Variants in NTM observed in about 807,000 individuals in gnomAD.
NTM encodes neurotrimin, also known as IgLON family member 2.
A neutral mutation model predicts 42.1 loss-of-function variants in NTM; 13 were observed. That is an observed-to-expected ratio of 0.31 (90% CI 0.20 to 0.49). The LOEUF is 0.49. NTM is among the 20% of genes least tolerant of loss of function. NTM has a pLI of 0.99. For synonymous variants in NTM, 187 were observed against 179.2 expected, an observed-to-expected ratio of 1.04 and a Z score of -0.35; for missense variants, 373 against 452.8, an observed-to-expected ratio of 0.82 and a Z score of 1.60.
At chr11:131,570,431 T>C (rs536152627) in intron 1 of NTM, among the ~76,000 whole-genome samples, 1 of 152,192 alleles carries the variant, frequency 6.6e-6, no homozygotes, top group South Asian at 2.1e-4. Context: ...TAAATGAACC[T>C]TGAAAGAGAT....
At position 131,564,626 on chromosome 11, in the gene NTM, C is replaced by T. The variant is rs921159508; in HGVS notation, c.82+193738C>T. ...ATACTCATGTTATCATCACTACCAT[C>T]AAGGTAACAAATATATCCATCACCT... is the stretch of plus-strand genomic sequence containing the variant. On this transcript the variant is annotated intron_variant, in intron 1 of 8. Transcript: ENST00000683400. 2.0e-5 allele frequency among the ~76,000 whole-genome samples: 3 copies of T among 152,262 alleles called. No homozygotes were observed. The East Asian group carries it at 5.8e-4, about 29-fold the overall frequency.
Position 132,037,325 on chromosome 11 carries a change from A to T in NTM, c.168-108957A>T, listed in dbSNP as rs142460809. Among the ~76,000 whole-genome samples the T allele has an allele frequency of 3.2e-3, 493 of 152,170 alleles. 3 individuals carry two copies. Among genetic ancestry groups the T allele is most frequent in the African/African-American group, 0.012 (478 of 41,512 alleles). On this transcript the variant is annotated intron_variant, in intron 2 of 8. Transcript: ENST00000683400. ...GCCGGCTCCCTTCACCTCAGCCATG[A>T]GGGGAAGCAGCCTGAGGCCCTCACT... is the stretch of plus-strand genomic sequence containing the variant.
chr11:132,171,716 A>G (rs1248354181), intron 3 of NTM, among the ~76,000 whole-genome samples: 1 of 152,182 alleles, frequency 6.6e-6, no homozygotes, highest in Non-Finnish European at 1.5e-5. Flanking sequence ...AATTTTTGTA[A>G]TGATTAAAAA....
At chr11:131,997,677 T>C (rs2068333032) in intron 2 of NTM, among the ~76,000 whole-genome samples, 1 of 152,206 alleles carries the variant, frequency 6.6e-6, no homozygotes, top group African/African-American at 2.4e-5. Context: ...GCTCTCTTTC[T>C]TTTTTCTTCC....
intron 1 of NTM, among the ~76,000 whole-genome samples, chr11:131,755,352 T>G (rs905507219): frequency 6.6e-6 from 1 of 151,844 alleles, no homozygotes; most frequent in Admixed American, 6.6e-5. Context: ...GGCAAGGGAG[T>G]GGAAGGGAGA....
At chr11:131,660,241 A>C (rs1483860569) in intron 1 of NTM, 1 of 341,286 alleles carries the variant, frequency 2.9e-6, no homozygotes, top group African/African-American at 2.1e-5. Flanking sequence ...ACAATGACCC[A>C]TTCAGGTGGT....
At chr11:131,824,952 G>T (rs944140115) in intron 1 of NTM, among the ~76,000 whole-genome samples, 7 of 152,192 alleles carry the variant, frequency 4.6e-5, no homozygotes, top group African/African-American at 1.4e-4. Context: ...ACGTTAGTTT[G>T]CTAGGGCTGC....
chr11:131,490,116 G>A (rs373855369), intron 1 of NTM, among the ~76,000 whole-genome samples: 1 of 152,248 alleles, frequency 6.6e-6, no homozygotes, highest in East Asian at 1.9e-4. Context: ...CTAATAGTGA[G>A]GATTCACTCA....
intron 1 of NTM, chr11:131,537,187 A>T (rs1011473104): frequency 6.6e-6 from 1 of 150,510 alleles, no homozygotes; most frequent in African/African-American, 2.4e-5. Flanking sequence ...GTGAAGTTTA[A>T]AAAAAAAAAA....
At chr11:131,632,689 T>G (rs1321420910) in intron 1 of NTM, among the ~76,000 whole-genome samples, 1 of 139,482 alleles carries the variant, frequency 7.2e-6, no homozygotes, top group African/African-American at 2.8e-5. Flanking sequence ...TTTTTTTTTT[T>G]TTTGAGACGG....
At chr11:132,046,796 A>G (rs1182727319) in intron 2 of NTM, among the ~76,000 whole-genome samples, 5 of 152,194 alleles carry the variant, frequency 3.3e-5, no homozygotes, top group Admixed American at 3.3e-4. Flanking sequence ...CACTGGCTTT[A>G]TCTATCTATC....
chr11:131,664,884 G>A (rs2068754376), intron 1 of NTM, among the ~76,000 whole-genome samples: 1 of 150,806 alleles, frequency 6.6e-6, no homozygotes, highest in Admixed American at 6.7e-5. Flanking sequence ...GTTACTCAGA[G>A]AAGCTAAACA....
chr11:131,522,794 T>C (rs411280), intron 1 of NTM, among the ~76,000 whole-genome samples: 4 of 151,996 alleles, frequency 2.6e-5, no homozygotes, highest in Admixed American at 2.6e-4. Flanking sequence ...ATTATTAGGG[T>C]TTTAGGTCAG....
At chr11:132,299,050 C>A (rs911326578) in intron 4 of NTM, among the ~76,000 whole-genome samples, 2 of 152,166 alleles carry the variant, frequency 1.3e-5, no homozygotes, top group African/African-American at 2.4e-5. Flanking sequence ...AATCCCAGAA[C>A]TTTGGGAGGC....
intron 2 of NTM, among the ~76,000 whole-genome samples, chr11:132,086,605 G>T (rs1209650227): frequency 6.6e-6 from 1 of 152,126 alleles, no homozygotes; most frequent in African/African-American, 2.4e-5. Context: ...AAACCAACAA[G>T]CCTCAATTAA....
At chr11:131,985,068 T>C (rs1225034638) in intron 2 of NTM, among the ~76,000 whole-genome samples, 2 of 152,154 alleles carry the variant, frequency 1.3e-5, no homozygotes, top group Non-Finnish European at 2.9e-5. Flanking sequence ...CAGTCTCTCA[T>C]TCCCTCCCCC....
intron 1 of NTM, among the ~76,000 whole-genome samples, chr11:131,497,173 T>C (rs1362921463): frequency 6.6e-6 from 1 of 152,118 alleles, no homozygotes; most frequent in Non-Finnish European, 1.5e-5. Context: ...GTTTGCACCA[T>C]AGATTACTAT....
At chr11:131,698,222 T>A (rs2075684546) in intron 1 of NTM, among the ~76,000 whole-genome samples, 1 of 152,144 alleles carries the variant, frequency 6.6e-6, no homozygotes, top group Non-Finnish European at 1.5e-5. Flanking sequence ...TTCAGTTCCT[T>A]GCCTTAGGTT....
At chr11:132,129,692 A>C (rs1430370621) in intron 2 of NTM, among the ~76,000 whole-genome samples, 2 of 152,210 alleles carry the variant, frequency 1.3e-5, no homozygotes, top group African/African-American at 4.8e-5. Flanking sequence ...ATTTTTCTTC[A>C]GTGCACACAC....
Sources: gnomAD v4.1 joint callset for allele counts (sites outside exome capture counted in the v4.1 genomes callset) on GRCh38, gnomAD v4.1.1 for gene constraint, MANE v1.5 for transcripts, NCBI Gene and HGNC (gene_info 2026-07-23, HGNC 2026-07-21) for gene names.